SCNN1A: variants seen among roughly 807,000 people sequenced by gnomAD.
SCNN1A encodes epithelial sodium channel subunit alpha.
Under a neutral mutation model 68.6 loss-of-function variants are expected in SCNN1A, and 65 were observed. The observed-to-expected ratio is 0.95, with a 90% CI of 0.78 to 1.16. The LOEUF (loss-of-function observed/expected upper bound fraction) is 1.16, where lower values mean the gene tolerates loss of function less well. Ranked by LOEUF, SCNN1A falls within the 50% of genes most tolerant of loss-of-function variation. The pLI, the probability that SCNN1A is intolerant of heterozygous loss-of-function variation, is 0.00. For missense variants in SCNN1A, 880 were observed against 865.9 expected, an observed-to-expected ratio of 1.02 and a Z score of -0.20; for synonymous variants, 357 against 353.3, an observed-to-expected ratio of 1.01 and a Z score of -0.12.
intron 7 of SCNN1A, 77 bp downstream of exon 7, chr12:6,354,673 C>T: frequency 3.5e-6 from 5 of 1,447,126 alleles, no homozygotes; most frequent in Non-Finnish European, 4.9e-6. Flanking sequence ...CTCTCACATA[C>T]ACAACCCCTC....
intron 4 of SCNN1A, among the ~76,000 whole-genome samples, chr12:6,359,371 G>A (rs1014584735): frequency 5.3e-5 from 8 of 152,172 alleles, no homozygotes; most frequent in Non-Finnish European, 7.4e-5. Flanking sequence ...GCTGGAGGCC[G>A]TGAGAGACAC....
rs543515475 is a variant in SCNN1A at position 6,348,550 on chromosome 12, C to T, written c.1629+177G>A. 7.7e-5 allele frequency among the ~76,000 whole-genome samples: 11 copies of T among 143,608 alleles called. No individual in the cohort carries two copies. The South Asian group carries it at 1.7e-3, about 22-fold the overall frequency. 94.2% of individuals were successfully genotyped at this position (143,608 alleles called of 152,430 possible). A position where few individuals can be genotyped will look rare whatever the true frequency, so the allele number is the denominator to read the frequency against. The stretch of plus-strand genomic sequence containing the variant: ...CACCACCCCCAGAGACCTTATGCCC[C>T]GGCCGAGCTCCTTCTTCCAACCCTC... On this transcript the variant is annotated intron_variant, in intron 12 of 12. Transcript: ENST00000228916.
intron 2 of SCNN1A, among the ~76,000 whole-genome samples, chr12:6,366,800 CAAAA>C (rs549082404): frequency 9.6e-6 from 1 of 104,334 alleles, no homozygotes; most frequent in Non-Finnish European, 2.0e-5. Context: ...AACTCCATCT[CAAAA>C]AAAAAAAAAA....
intron 8 of SCNN1A, among the ~76,000 whole-genome samples, chr12:6,350,585 C>G (rs1028947529): frequency 1.3e-5 from 2 of 152,198 alleles, no homozygotes; most frequent in Admixed American, 1.3e-4. Flanking sequence ...GCCTGTAATA[C>G]CAACACTTTG....
At chr12:6,348,340 G>C in intron 12 of SCNN1A, 87 bp from the exon 13 acceptor site, 1 of 1,602,212 alleles carries the variant, frequency 6.2e-7, no homozygotes, top group South Asian at 1.1e-5. Context: ...TCACCAAGCT[G>C]TCTCCCTTCA....
Position 6,374,099 on chromosome 12 carries a change from G to A in SCNN1A, c.416+269C>T, listed in dbSNP as rs1948848873. On this transcript the variant is annotated intron_variant, in intron 2 of 12. Transcript: ENST00000228916. The surrounding 1 kb of genome is among the most constrained non-coding windows in gnomAD (Gnocchi z 6.2). Reference sequence around the variant, plus strand: ...TGCAGGAGGGAGAAGGGAATGGGAGGGAAGGAGAAGAGAGGGCAGGGGAGG... The same window carrying A: ...TGCAGGAGGGAGAAGGGAATGGGAGAGAAGGAGAAGAGAGGGCAGGGGAGG... Among the ~76,000 whole-genome samples, 1 of 152,198 alleles carries A rather than the reference G, an allele frequency of 6.6e-6. No individual in the cohort carries two copies. Among genetic ancestry groups the A allele is most frequent in the African/African-American group, 2.4e-5 (1 of 41,454 alleles).
intron 4 of SCNN1A, among the ~76,000 whole-genome samples, chr12:6,360,210 C>A (rs1711781078): frequency 6.6e-6 from 1 of 152,196 alleles, no homozygotes; most frequent in African/African-American, 2.4e-5. Flanking sequence ...GGCAAAAGAA[C>A]GCAGTAGGGT....
At chr12:6,355,585 G>A in intron 5 of SCNN1A, 150 bp from the exon 6 acceptor site, 1 of 1,058,198 alleles carries the variant, frequency 9.5e-7, no homozygotes, top group Non-Finnish European at 1.4e-6. Flanking sequence ...GGCAACCCCT[G>A]AGCTGGAATC....
chr12:6,372,115 A>ATTACT lies in SCNN1A; in HGVS notation c.416+2252_416+2253insAGTAA, dbSNP rs1180629409. Reference sequence around the variant, plus strand: ...TGCCTTGGCCTCCCAAAGTGCTGGGATTACAGGCGTGAGGCACCATGCCCA... The same window carrying ATTACT: ...TGCCTTGGCCTCCCAAAGTGCTGGGATTACTTTACAGGCGTGAGGCACCATGCCCA... On this transcript the variant is annotated intron_variant, in intron 2 of 12. Coordinates refer to ENST00000228916, the MANE Select transcript of SCNN1A (RefSeq NM_001038.6). The surrounding 1 kb of genome is among the most constrained non-coding windows in gnomAD (Gnocchi z 5.8). Among the ~76,000 whole-genome samples the ATTACT allele has an allele frequency of 6.6e-6, 1 of 152,214 alleles. No individual in the cohort carries two copies. Among genetic ancestry groups the ATTACT allele is most frequent in the Non-Finnish European group, 1.5e-5 (1 of 68,036 alleles).
Position 6,354,459 on chromosome 12 carries a change from A to T in SCNN1A, c.1339T>A (p.Tyr447Asn). The change falls in exon 8 of 13, where the codon TAC (tyrosine) becomes AAC (asparagine). Residue 447 changes from tyrosine to asparagine, a missense_variant. By Grantham distance (143) the Tyr-to-Asn change is moderately radical. This residue lies in a region of SCNN1A where 758 missense variants were observed against 721.8 expected (regional missense o/e 1.05). Transcript: ENST00000228916. ...TCACCCCAGGAACTGTGCTTTCTGT[A>T]GTCACAGTACTCCACGTTCTGGGGC... is the stretch of plus-strand genomic sequence containing the variant. ...PRPQNVEYCD[Y>N]RKHSSWGYCY... is the part of the protein sequence containing the mutation. 1 of 1,612,434 alleles carries T rather than the reference A, an allele frequency of 6.2e-7. No individual in the cohort carries two copies. Among genetic ancestry groups the T allele is most frequent in the African/African-American group, 1.3e-5 (1 of 74,964 alleles).
intron 4 of SCNN1A, among the ~76,000 whole-genome samples, chr12:6,358,070 A>G (rs1354187485): frequency 6.6e-6 from 1 of 152,242 alleles, no homozygotes; most frequent in Non-Finnish European, 1.5e-5. Flanking sequence ...TCTAACAAGT[A>G]TTAGATGTGG....
chr12:6,372,809 G>A lies in SCNN1A; in HGVS notation c.416+1559C>T, dbSNP rs147947517. Among the ~76,000 whole-genome samples the A allele has an allele frequency of 8.7e-3, 1,318 of 152,252 alleles. 13 individuals carry two copies. Among genetic ancestry groups the A allele is most frequent in the Middle Eastern group, 0.017 (5 of 294 alleles). The stretch of plus-strand genomic sequence containing the variant: ...GGACCCAAGAGAGCTCTGAAATGAG[G>A]CGGAAGCCACATCTGACTGGAAGTT... On this transcript the variant is annotated intron_variant, in intron 2 of 12. Transcript: ENST00000228916. The surrounding 1 kb of genome is among the most constrained non-coding windows in gnomAD (Gnocchi z 5.8).
intron 4 of SCNN1A, among the ~76,000 whole-genome samples, chr12:6,359,358 G>C (rs1191206122): frequency 1.3e-5 from 2 of 152,314 alleles, no homozygotes; most frequent in Admixed American, 1.3e-4. Context: ...GTACCAACTT[G>C]ATGCTGGAGG....
upstream of SCNN1A, chr12:6,376,161 TCTC>T: frequency 1.0e-6 from 1 of 985,676 alleles, no homozygotes; most frequent in African/African-American, 1.7e-5. Context: ...TCTCTGCAGG[TCTC>T]CTCCCCGCTC....
At chr12:6,354,947 C>G in intron 6 of SCNN1A, 99 bp from the exon 7 acceptor site, 1 of 1,009,156 alleles carries the variant, frequency 9.9e-7, no homozygotes, top group Non-Finnish European at 1.6e-6. Flanking sequence ...ACCTGCCAGC[C>G]CCTCCTACTG....
chr12:6,348,067 C>G lies in SCNN1A; in HGVS notation c.1816G>C (p.Ala606Pro). 6.2e-7 allele frequency: 1 copy of G among 1,613,736 alleles called. No homozygotes were observed. Among genetic ancestry groups the G allele is most frequent in the Non-Finnish European group, 8.5e-7 (1 of 1,179,826 alleles). ...GRGGRGAQEV[A>P]STLASSPPSH... ...GGAGGGGAGGATGCCAGGGTGGAGG[C>G]TACCTCCTGAGCACCCCTGCCCCCT... is the stretch of plus-strand genomic sequence containing the variant. Residue 606 changes from alanine to proline, a missense_variant, in exon 13 of 13, where the codon GCC becomes CCC. Physicochemically the swap from Ala to Pro is conservative, Grantham distance 27. Transcript: ENST00000228916.
At chr12:6,353,627 T>C (rs1400843930) in intron 8 of SCNN1A, 1 of 126,324 alleles carries the variant, frequency 7.9e-6, no homozygotes, top group Non-Finnish European at 1.6e-5. Flanking sequence ...AGTCTCGCTG[T>C]CACCCAGGCT....
At chr12:6,352,389 C>A (rs1004233572) in intron 8 of SCNN1A, among the ~76,000 whole-genome samples, 10 of 152,168 alleles carry the variant, frequency 6.6e-5, no homozygotes, top group African/African-American at 2.4e-4. Flanking sequence ...GGCTGGAGAT[C>A]TTTAGGAAGA....
rs113639535 is a variant in SCNN1A at position 6,374,908 on chromosome 12, C to G, written c.-54-71G>C. ...AAGGCTGAGCTCTGGGCCCTGAGTG[C>G]CCTCTCCCATCACCCCTGGAACCCG... On this transcript the variant is annotated intron_variant, in intron 1 of 12. Transcript: ENST00000228916. This position sits in a 1 kb window ranked among gnomAD's most constrained non-coding sequence, Gnocchi z 6.2. 1.2e-4 allele frequency: 189 copies of G among 1,610,042 alleles called. No homozygotes were observed. Among genetic ancestry groups the G allele is most frequent in the Non-Finnish European group, 1.5e-4 (180 of 1,178,138 alleles).
Sources: allele counts gnomAD v4.1 joint callset (sites outside exome capture counted in the v4.1 genomes callset), GRCh38; gene constraint gnomAD v4.1.1; regional missense constraint gnomAD v4.1.1; non-coding constraint Gnocchi (gnomAD v3.1); transcripts MANE v1.5; gene names NCBI Gene and HGNC (gene_info 2026-07-23, HGNC 2026-07-21).